The following EHHADH variants were observed in gnomAD, a reference collection of about 807,000 sequenced individuals.
EHHADH encodes the protein peroxisomal bifunctional enzyme.
Under a neutral mutation model 64.4 loss-of-function variants are expected in EHHADH, and 48 were observed. That is an observed-to-expected ratio of 0.75 (90% confidence interval 0.59 to 0.95). The LOEUF is 0.95. EHHADH is among the 40% of genes least tolerant of loss of function. The probability of loss-of-function intolerance (pLI) is 0.00; values close to 1 mark genes in which losing one functional copy is unlikely to be tolerated. For missense variants in EHHADH, 854 were observed against 876.6 expected (o/e 0.97, Z 0.33); for synonymous variants, 308 against 326.7 (o/e 0.94, Z 0.62).
At chr3:185,242,050 A>T (rs1577375722) in intron 2 of EHHADH, among the ~76,000 whole-genome samples, 1 of 152,288 alleles carries the variant, frequency 6.6e-6, no homozygotes, top group African/African-American at 2.4e-5. Flanking sequence ...CCAAGCAGAG[A>T]ATCAAATCAA....
At chr3:185,203,364 T>C (rs1718284638) in intron 6 of EHHADH, among the ~76,000 whole-genome samples, 1 of 151,998 alleles carries the variant, frequency 6.6e-6, no homozygotes. Context: ...TTAATTATGA[T>C]TAAAAAAACT....
At chr3:185,225,015 C>T (rs566414352) in intron 4 of EHHADH, among the ~76,000 whole-genome samples, 8 of 152,218 alleles carry the variant, frequency 5.3e-5, no homozygotes, top group South Asian at 2.1e-4. Flanking sequence ...GGCCAGATAC[C>T]GTTTATGAAA....
intron 6 of EHHADH, among the ~76,000 whole-genome samples, chr3:185,203,694 G>T (rs1718292975): frequency 6.6e-6 from 1 of 152,164 alleles, no homozygotes; most frequent in South Asian, 2.1e-4. Context: ...TTGAACAGGT[G>T]AAGTGAATGG....
At chr3:185,234,484 T>C (rs1719227080) in intron 3 of EHHADH, among the ~76,000 whole-genome samples, 1 of 152,182 alleles carries the variant, frequency 6.6e-6, no homozygotes, top group Non-Finnish European at 1.5e-5. Flanking sequence ...GGCTCTCTAT[T>C]GACTCAGGAG....
chr3:185,245,480 G>T, intron 2 of EHHADH: 1 of 1,021,880 alleles, frequency 9.8e-7, no homozygotes, highest in Non-Finnish European at 1.4e-6. Context: ...TTGGCACAGG[G>T]CTGTGCTCGC....
intron 4 of EHHADH, among the ~76,000 whole-genome samples, chr3:185,224,724 G>A (rs1718928221): frequency 6.6e-6 from 1 of 152,102 alleles, no homozygotes. Context: ...GATGCTGTAA[G>A]AAAGAATGTT....
chr3:185,204,213 C>T (rs959430681), intron 6 of EHHADH, among the ~76,000 whole-genome samples: 6 of 151,372 alleles, frequency 4.0e-5, no homozygotes, highest in South Asian at 2.1e-4. Context: ...TCACCCTACT[C>T]GTGTTTAGCT....
At chr3:185,214,190 T>C (rs562913211) in intron 5 of EHHADH, among the ~76,000 whole-genome samples, 1 of 152,200 alleles carries the variant, frequency 6.6e-6, no homozygotes, top group Non-Finnish European at 1.5e-5. Context: ...AGGGTTTCCA[T>C]GGGATTCTAA....
At chr3:185,195,010 G>A (rs1415538361) in intron 6 of EHHADH, among the ~76,000 whole-genome samples, 1 of 151,786 alleles carries the variant, frequency 6.6e-6, no homozygotes, top group Admixed American at 6.6e-5. Context: ...AATGATGCTG[G>A]GACAACTGGA....
intron 2 of EHHADH, chr3:185,246,030 G>A: frequency 7.6e-7 from 1 of 1,323,288 alleles, no homozygotes; most frequent in South Asian, 1.2e-5. Flanking sequence ...TCTTTCTCTA[G>A]TAGTTCATCC....
chr3:185,214,136 A>C (rs991313522), intron 5 of EHHADH, among the ~76,000 whole-genome samples: 3 of 152,166 alleles, frequency 2.0e-5, no homozygotes, highest in Admixed American at 2.0e-4. Flanking sequence ...ATAGGATTTC[A>C]AACAGTGGAA....
chr3:185,217,619 A>ATT (rs1577363310), intron 5 of EHHADH, among the ~76,000 whole-genome samples: 1 of 150,900 alleles, frequency 6.6e-6, no homozygotes, highest in East Asian at 1.9e-4. Flanking sequence ...TGACGTGCCT[A>ATT]TTCCTGCTTC....
intron 2 of EHHADH, among the ~76,000 whole-genome samples, chr3:185,240,660 CT>C (rs1336247635): frequency 2.6e-5 from 4 of 151,832 alleles, no homozygotes; most frequent in African/African-American, 9.7e-5. Flanking sequence ...AAACTTCTCT[CT>C]TTTTGATTAG....
intron 2 of EHHADH, among the ~76,000 whole-genome samples, chr3:185,244,062 C>T (rs1365193559): frequency 3.3e-5 from 5 of 152,148 alleles, no homozygotes; most frequent in Non-Finnish European, 7.4e-5. Context: ...TTTAAGACAG[C>T]TATATCTTCT....
chr3:185,195,944 T>A (rs1718049555), intron 6 of EHHADH, among the ~76,000 whole-genome samples: 1 of 152,184 alleles, frequency 6.6e-6, no homozygotes, highest in Admixed American at 6.5e-5. Flanking sequence ...AAAAAAATAA[T>A]TTCAGAAACC....
At position 185,218,248 on chromosome 3, in the gene EHHADH, A is replaced by C. The variant is rs1560013454; in HGVS notation, c.464-8T>G. On this transcript the variant is annotated splice_polypyrimidine_tract_variant and splice_region_variant and intron_variant, in intron 4 of 6. Transcript: ENST00000231887. The stretch of plus-strand genomic sequence containing the variant: ...CTGCTAAAATACGTCTTCCTGAAAT[A>C]AACAACAACAACAATAACAACAAAT... The C allele has an allele frequency of 1.9e-6, 3 of 1,576,932 alleles. No individual in the cohort carries two copies. The highest frequency in any genetic ancestry group is 2.6e-6 in the Non-Finnish European group (3 of 1,153,666).
At chr3:185,220,243 C>G (rs1352655343) in intron 4 of EHHADH, among the ~76,000 whole-genome samples, 1 of 152,188 alleles carries the variant, frequency 6.6e-6, no homozygotes, top group East Asian at 1.9e-4. Flanking sequence ...CACTACTATT[C>G]TAACAGAGTC....
Position 185,237,928 on chromosome 3 carries a change from T to C in EHHADH, c.179-2466A>G, listed in dbSNP as rs142841597. 5.3e-3 allele frequency among the ~76,000 whole-genome samples: 807 copies of C among 152,222 alleles called. 10 individuals are homozygous for C. The highest frequency in any genetic ancestry group is 0.019 in the African/African-American group (772 of 41,542). On this transcript the variant is annotated intron_variant, in intron 2 of 6. Transcript: ENST00000231887. ...ACCTCCTTGCCCTTTTGAAGGTCCC[T>C]ATGTCTATTACTTCCCTCTGTATGT...
At chr3:185,228,285 G>T (rs971594868) in intron 4 of EHHADH, among the ~76,000 whole-genome samples, 1 of 114,596 alleles carries the variant, frequency 8.7e-6, no homozygotes, top group Non-Finnish European at 1.8e-5. Context: ...TATATGGAGA[G>T]AGAGAGAGAG....
Sources: allele counts gnomAD v4.1 joint callset (sites outside exome capture counted in the v4.1 genomes callset), GRCh38; gene constraint gnomAD v4.1.1; transcripts MANE v1.5; gene names NCBI Gene and HGNC (gene_info 2026-07-23, HGNC 2026-07-21).